SKA2: variants seen among roughly 807,000 people sequenced by gnomAD.
The protein encoded by SKA2 is spindle and kinetochore-associated protein 2.
A neutral mutation model predicts 16.9 loss-of-function variants in SKA2; 13 were observed. That is an observed-to-expected ratio of 0.77 (90% CI 0.50 to 1.22). SKA2 has a LOEUF of 1.22. Ranked by LOEUF, SKA2 falls within the 50% of genes most tolerant of loss-of-function variation. SKA2 has a pLI of 0.00. For missense variants in SKA2, 107 were observed against 139.7 expected (o/e 0.77, Z 1.18); for synonymous variants, 47 against 48.5 (o/e 0.97, Z 0.13).
intron 2 of SKA2, among the ~76,000 whole-genome samples, chr17:59,130,457 CAAAAAA>C (rs569934567): frequency 2.8e-5 from 2 of 70,394 alleles, no homozygotes; most frequent in African/African-American, 4.7e-5. Context: ...ACTAAAAATA[CAAAAAA>C]AAAAAAAAAA....
intron 1 of SKA2, among the ~76,000 whole-genome samples, chr17:59,142,737 AC>A (rs2046501286): frequency 6.6e-6 from 1 of 151,480 alleles, no homozygotes; most frequent in Non-Finnish European, 1.5e-5. Flanking sequence ...GGCCAGCTTG[AC>A]CAACATGGTG....
intron 1 of SKA2, among the ~76,000 whole-genome samples, chr17:59,138,664 T>C (rs767082427): frequency 1.3e-5 from 2 of 151,952 alleles, no homozygotes; most frequent in African/African-American, 2.4e-5. Context: ...CCTCCCGAGC[T>C]CAAGTGATCT....
chr17:59,118,358 T>C (rs2147795190), intron 3 of SKA2: 1 of 152,292 alleles, frequency 6.6e-6, no homozygotes, highest in Middle Eastern at 3.4e-3. Context: ...TTATATCCAG[T>C]GGGGGAAATT....
chr17:59,116,810 CTTTT>C (rs909458290), intron 3 of SKA2, among the ~76,000 whole-genome samples: 5 of 75,302 alleles, frequency 6.6e-5, no homozygotes, highest in East Asian at 4.9e-4. Context: ...CTGCCTTTGG[CTTTT>C]TTTTTTTTTT....
At chr17:59,140,842 C>T (rs2046483081) in intron 1 of SKA2, among the ~76,000 whole-genome samples, 1 of 149,974 alleles carries the variant, frequency 6.7e-6, no homozygotes, top group Non-Finnish European at 1.5e-5. Context: ...CTAGGATGAC[C>T]TCAATCTCCT....
At chr17:59,154,653 G>A (rs2046607670) in intron 1 of SKA2, among the ~76,000 whole-genome samples, 1 of 152,106 alleles carries the variant, frequency 6.6e-6, no homozygotes, top group African/African-American at 2.4e-5. Context: ...GACTTTCTCG[G>A]CCCGCCTTTT....
chr17:59,138,820 G>A (rs2046465429), intron 1 of SKA2, among the ~76,000 whole-genome samples: 1 of 152,136 alleles, frequency 6.6e-6, no homozygotes, highest in Non-Finnish European at 1.5e-5. Flanking sequence ...TAGGCAGCAA[G>A]GAGAAAAGAA....
chr17:59,154,909 C>T, intron 1 of SKA2: 2 of 1,599,456 alleles, frequency 1.3e-6, no homozygotes, highest in Admixed American at 1.7e-5. Flanking sequence ...GCACCCTCAG[C>T]ATCTCCCGCC....
chr17:59,118,725 C>G (rs568224612), intron 3 of SKA2, among the ~76,000 whole-genome samples: 1 of 152,224 alleles, frequency 6.6e-6, no homozygotes, highest in South Asian at 2.1e-4. Flanking sequence ...ACAGATACAT[C>G]TAAGGTATCA....
chr17:59,127,428 G>A (rs1307751668), intron 2 of SKA2, among the ~76,000 whole-genome samples: 4 of 151,956 alleles, frequency 2.6e-5, no homozygotes, highest in Admixed American at 6.6e-5. Context: ...TTGATCTGTC[G>A]CCCAGGCTGG....
chr17:59,150,620 T>C (rs2147822484), intron 1 of SKA2, among the ~76,000 whole-genome samples: 1 of 152,130 alleles, frequency 6.6e-6, no homozygotes, highest in African/African-American at 2.4e-5. Flanking sequence ...GACACGCCTG[T>C]GGTCCCAGCT....
intron 1 of SKA2, among the ~76,000 whole-genome samples, chr17:59,154,000 G>A (rs1458638797): frequency 2.0e-5 from 3 of 151,556 alleles, no homozygotes; most frequent in African/African-American, 7.3e-5. Flanking sequence ...TCAATGTCTT[G>A]ACCTCTTGAT....
At chr17:59,154,859 G>A in intron 1 of SKA2, 1 of 1,364,094 alleles carries the variant, frequency 7.3e-7, no homozygotes, top group Non-Finnish European at 1.0e-6. Context: ...CGTAAGGGGT[G>A]TAAAGGTGAG....
chr17:59,111,684 G>GGAA lies in SKA2; in HGVS notation c.*592_*593insTTC. ...AGTTCATGCTGTTCAACATTAGCAG[G>GGAA]CAAGGGAAATAGGGAAAGAAATACG... On this transcript the variant is annotated 3_prime_UTR_variant, in exon 4 of 4. Coordinates refer to ENST00000330137, the MANE Select transcript of SKA2 (RefSeq NM_182620.4). 6.6e-6 allele frequency: 1 copy of GGAA among 152,380 alleles called. No homozygotes were observed. Among genetic ancestry groups the GGAA allele is most frequent in the East Asian group, 1.9e-4 (1 of 5,192 alleles). 9.4% of individuals were successfully genotyped at this position (152,380 alleles called of 1,614,324 possible). A position where few individuals can be genotyped will look rare whatever the true frequency, so the allele number is the denominator to read the frequency against.
chr17:59,114,912 G>A (rs930521542), intron 3 of SKA2, among the ~76,000 whole-genome samples: 1 of 152,142 alleles, frequency 6.6e-6, no homozygotes, highest in African/African-American at 2.4e-5. Context: ...CTCTAGGGCA[G>A]CACTGTCCAA....
intron 1 of SKA2, 140 bp downstream of exon 1, chr17:59,154,991 C>T (rs758460273): frequency 8.0e-5 from 129 of 1,613,998 alleles, no homozygotes; most frequent in Non-Finnish European, 1.0e-4. Flanking sequence ...TGGCGGCTCC[C>T]TTTGGTGCAG....
chr17:59,135,844 T>A (rs918822961), intron 1 of SKA2, among the ~76,000 whole-genome samples: 2 of 148,548 alleles, frequency 1.3e-5, no homozygotes, highest in African/African-American at 4.9e-5. Context: ...AATATATTTT[T>A]AAAAAATATA....
chr17:59,138,970 T>C (rs1599673313), intron 1 of SKA2, among the ~76,000 whole-genome samples: 1 of 152,192 alleles, frequency 6.6e-6, no homozygotes, highest in Non-Finnish European at 1.5e-5. Context: ...ACACATCCTC[T>C]TATGAGAGAC....
chr17:59,140,307 G>C (rs955173526), intron 1 of SKA2, among the ~76,000 whole-genome samples: 1 of 151,550 alleles, frequency 6.6e-6, no homozygotes, highest in Non-Finnish European at 1.5e-5. Context: ...TCAGCTCACT[G>C]GGTTCAAGCC....
Sources: allele counts gnomAD v4.1 joint callset (sites outside exome capture counted in the v4.1 genomes callset), GRCh38; gene constraint gnomAD v4.1.1; transcripts MANE v1.5; gene names NCBI Gene and HGNC (gene_info 2026-07-23, HGNC 2026-07-21).